Variants in NAALADL2 observed in about 807,000 individuals in gnomAD.
The protein encoded by NAALADL2 is inactive N-acetylated-alpha-linked acidic dipeptidase-like protein 2.
In NAALADL2, 76 loss-of-function variants were observed where a neutral mutation model predicts 87.2. The ratio of observed to expected loss-of-function variants is 0.87; its 90% CI spans 0.72 to 1.05. The LOEUF (loss-of-function observed/expected upper bound fraction) is 1.05, where lower values mean the gene tolerates loss of function less well. Ranked by LOEUF, NAALADL2 falls within the 50% of genes least tolerant of loss-of-function variation. The probability of loss-of-function intolerance (pLI) is 0.00; values close to 1 mark genes in which losing one functional copy is unlikely to be tolerated. For missense variants in NAALADL2, 1,089 were observed against 945.8 expected (o/e 1.15, Z -1.99); for synonymous variants, 354 against 331.0 (o/e 1.07, Z -0.75).
intron 9 of NAALADL2, among the ~76,000 whole-genome samples, chr3:175,560,132 T>C (rs1162925183): frequency 6.6e-6 from 1 of 152,160 alleles, no homozygotes; most frequent in African/African-American, 2.4e-5. Flanking sequence ...TATTGGTCTG[T>C]TTTTGAATTT....
chr3:175,384,416 G>C (rs1363524302), intron 5 of NAALADL2, among the ~76,000 whole-genome samples: 1 of 151,978 alleles, frequency 6.6e-6, no homozygotes, highest in African/African-American at 2.4e-5. Flanking sequence ...AATTTGGAAA[G>C]ATGCTTTATC....
At chr3:175,035,745 G>A (rs1008215211) in intron 1 of NAALADL2, among the ~76,000 whole-genome samples, 2 of 152,118 alleles carry the variant, frequency 1.3e-5, no homozygotes, top group African/African-American at 4.8e-5. Context: ...TGTTTAATTA[G>A]GGCTTTGCTG....
At chr3:175,447,160 A>G in intron 5 of NAALADL2, 69 bp from the exon 6 acceptor site, 1 of 992,432 alleles carries the variant, frequency 1.0e-6, no homozygotes, top group Non-Finnish European at 1.4e-6. Context: ...CTTATTACAG[A>G]TAACTTTTCC....
At chr3:175,110,224 G>T (rs563222463) in intron 2 of NAALADL2, among the ~76,000 whole-genome samples, 2 of 151,854 alleles carry the variant, frequency 1.3e-5, no homozygotes, top group South Asian at 4.1e-4. Flanking sequence ...GTTAATCCTG[G>T]ATTCTTGATT....
chr3:174,676,934 C>T (rs1727093070), intron 2 of NAALADL2, among the ~76,000 whole-genome samples: 2 of 151,468 alleles, frequency 1.3e-5, no homozygotes, highest in Admixed American at 1.3e-4. Flanking sequence ...TTTAAAAAAC[C>T]CTGGTATATA....
At chr3:175,207,356 T>C (rs994449830) in intron 2 of NAALADL2, among the ~76,000 whole-genome samples, 1 of 152,044 alleles carries the variant, frequency 6.6e-6, no homozygotes, top group African/African-American at 2.4e-5. Flanking sequence ...AAAAAAGAGA[T>C]TAAAACCATG....
At chr3:175,801,946 G>T (rs1754204095) in intron 13 of NAALADL2, among the ~76,000 whole-genome samples, 1 of 152,004 alleles carries the variant, frequency 6.6e-6, no homozygotes, top group South Asian at 2.1e-4. Context: ...TGAGAAGATG[G>T]TATTCTAGAT....
chr3:175,807,664 T>C lies in NAALADL2; in HGVS notation c.*4461T>C, dbSNP rs1754826107. 1 of 151,878 alleles carries C rather than the reference T, an allele frequency of 6.6e-6. No homozygotes were observed. The highest frequency in any genetic ancestry group is 2.4e-5 in the African/African-American group (1 of 41,394). 9.4% of individuals were successfully genotyped at this position (151,878 alleles called of 1,614,324 possible). A position where few individuals can be genotyped will look rare whatever the true frequency, so the allele number is the denominator to read the frequency against. ...TAAATATATCAGCAATATAACAGTTTCATCATGGGACCATGGATACAGTGC... is the reference window on the plus strand; with the variant it reads ...TAAATATATCAGCAATATAACAGTTCCATCATGGGACCATGGATACAGTGC... On this transcript the variant is annotated 3_prime_UTR_variant, in exon 14 of 14. Transcript: ENST00000454872.
At chr3:175,142,048 T>C (rs1730075710) in intron 2 of NAALADL2, among the ~76,000 whole-genome samples, 1 of 152,088 alleles carries the variant, frequency 6.6e-6, no homozygotes, top group Non-Finnish European at 1.5e-5. Flanking sequence ...AGAAGTCTTA[T>C]TCTTTCTTAA....
intron 2 of NAALADL2, among the ~76,000 whole-genome samples, chr3:174,576,414 G>A (rs549268791): frequency 6.6e-6 from 1 of 152,216 alleles, no homozygotes; most frequent in African/African-American, 2.4e-5. Context: ...TCACATTTGT[G>A]TGAAGTTTTC....
At chr3:175,496,402 A>C (rs569554065) in intron 9 of NAALADL2, among the ~76,000 whole-genome samples, 47 of 151,774 alleles carry the variant, frequency 3.1e-4, no homozygotes, top group African/African-American at 1.1e-3. Context: ...AATTTTCTCT[A>C]CCCATATATT....
At chr3:174,522,027 A>G (rs921233197) in intron 1 of NAALADL2, among the ~76,000 whole-genome samples, 3 of 152,140 alleles carry the variant, frequency 2.0e-5, no homozygotes, top group Admixed American at 2.0e-4. Context: ...GGAGCCCAGC[A>G]GTTCCAAGCT....
intron 2 of NAALADL2, among the ~76,000 whole-genome samples, chr3:174,664,399 T>C (rs1253652986): frequency 6.6e-6 from 1 of 152,190 alleles, no homozygotes; most frequent in East Asian, 1.9e-4. Flanking sequence ...ACTTTACTAA[T>C]GCATAAATCA....
At chr3:174,886,889 A>T (rs1730224776) in intron 1 of NAALADL2, among the ~76,000 whole-genome samples, 1 of 152,166 alleles carries the variant, frequency 6.6e-6, no homozygotes, top group African/African-American at 2.4e-5. Context: ...TCCTTTGGCC[A>T]TGTCTTTAAA....
chr3:175,400,336 A>G (rs1770406649), intron 5 of NAALADL2, among the ~76,000 whole-genome samples: 1 of 152,054 alleles, frequency 6.6e-6, no homozygotes, highest in Non-Finnish European at 1.5e-5. Context: ...TGGCCTTGTG[A>G]TCTCTTTTAT....
At chr3:175,098,823 C>G (rs370839164) in intron 2 of NAALADL2, among the ~76,000 whole-genome samples, 3 of 151,094 alleles carry the variant, frequency 2.0e-5, no homozygotes, top group African/African-American at 7.3e-5. Context: ...GACATCTGTT[C>G]TATTACAAAA....
chr3:174,728,708 A>G (rs1732429652), intron 2 of NAALADL2, among the ~76,000 whole-genome samples: 2 of 152,086 alleles, frequency 1.3e-5, no homozygotes, highest in Non-Finnish European at 2.9e-5. Context: ...TCAAAGCCAC[A>G]GAACTCATCA....
chr3:175,406,808 G>C (rs1164730678), intron 5 of NAALADL2, among the ~76,000 whole-genome samples: 1 of 151,420 alleles, frequency 6.6e-6, no homozygotes, highest in Admixed American at 6.6e-5. Flanking sequence ...TTCACATTTT[G>C]TGCATTTTTT....
At chr3:174,888,532 C>T (rs1730479715) in intron 1 of NAALADL2, among the ~76,000 whole-genome samples, 1 of 152,154 alleles carries the variant, frequency 6.6e-6, no homozygotes, top group Admixed American at 6.5e-5. Flanking sequence ...TATTCCATCC[C>T]ATATTTCTAA....
Sources: gnomAD v4.1 joint callset for allele counts (sites outside exome capture counted in the v4.1 genomes callset) on GRCh38, gnomAD v4.1.1 for gene constraint, MANE v1.5 for transcripts, NCBI Gene and HGNC (gene_info 2026-07-23, HGNC 2026-07-21) for gene names.